ETV6: variants seen among roughly 807,000 people sequenced by gnomAD.
The protein encoded by ETV6 is ETS variant transcription factor 6, also known as transcription factor ETV6.
Under a neutral mutation model 51.1 loss-of-function variants are expected in ETV6, and 16 were observed. The observed-to-expected ratio is 0.31, with a 90% CI of 0.21 to 0.48. ETV6 has a LOEUF of 0.48. ETV6 is among the 20% of genes least tolerant of loss of function. The pLI is 0.99. For synonymous variants in ETV6, 240 were observed against 224.1 expected (o/e 1.07, Z -0.64); for missense variants, 458 against 594.8 (o/e 0.77, Z 2.39).
intron 1 of ETV6, among the ~76,000 whole-genome samples, chr12:11,726,605 T>C (rs987855326): frequency 2.0e-5 from 3 of 152,058 alleles, no homozygotes; most frequent in Non-Finnish European, 4.4e-5. Context: ...TAGTGAAACT[T>C]CATCCCTAGA....
At chr12:11,877,563 T>G (rs1326253671) in intron 5 of ETV6, among the ~76,000 whole-genome samples, 2 of 152,120 alleles carry the variant, frequency 1.3e-5, no homozygotes, top group Non-Finnish European at 2.9e-5. Context: ...TTCCAGTGTT[T>G]TAGTACCAGG....
chr12:11,730,413 T>A (rs1349109846), intron 1 of ETV6, among the ~76,000 whole-genome samples: 2 of 152,252 alleles, frequency 1.3e-5, no homozygotes, highest in Admixed American at 1.3e-4. Flanking sequence ...GCTCTGGGGT[T>A]GCCAAGCTCA....
At chr12:11,683,311 T>C (rs1864568078) in intron 1 of ETV6, among the ~76,000 whole-genome samples, 1 of 152,236 alleles carries the variant, frequency 6.6e-6, no homozygotes, top group African/African-American at 2.4e-5. Flanking sequence ...TTCAAAGTGC[T>C]GGGATTACAG....
intron 3 of ETV6, among the ~76,000 whole-genome samples, chr12:11,843,980 C>T (rs2136472563): frequency 6.6e-6 from 1 of 151,892 alleles, no homozygotes; most frequent in African/African-American, 2.4e-5. Context: ...TATAAAACGT[C>T]ACCTGGACAG....
chr12:11,776,187 G>C (rs781732079), intron 2 of ETV6, among the ~76,000 whole-genome samples: 1 of 152,162 alleles, frequency 6.6e-6, no homozygotes, highest in East Asian at 1.9e-4. Context: ...TACACTGAAC[G>C]TGAATCCTCA....
chr12:11,770,486 C>T (rs1027362940), intron 2 of ETV6, among the ~76,000 whole-genome samples: 4 of 152,282 alleles, frequency 2.6e-5, no homozygotes, highest in Middle Eastern at 3.4e-3. Context: ...ATAAGTATGG[C>T]GGTTGCAGCC....
intron 3 of ETV6, among the ~76,000 whole-genome samples, chr12:11,842,081 CAAA>C (rs35056557): frequency 7.2e-5 from 6 of 83,542 alleles, no homozygotes; most frequent in African/African-American, 1.8e-4. Flanking sequence ...GACTCCGTCT[CAAA>C]AAAAAAAAAA....
chr12:11,812,541 T>G (rs1225874784), intron 2 of ETV6, among the ~76,000 whole-genome samples: 8 of 152,174 alleles, frequency 5.3e-5, no homozygotes, highest in Non-Finnish European at 1.2e-4. Context: ...TGGGGGTGGT[T>G]GAGTACCTTG....
chr12:11,804,225 A>G (rs1307951145), intron 2 of ETV6, among the ~76,000 whole-genome samples: 3 of 152,314 alleles, frequency 2.0e-5, no homozygotes, highest in South Asian at 4.1e-4. Context: ...CTACCAAGGA[A>G]TTCACACTAG....
At chr12:11,780,420 G>A (rs145953866) in intron 2 of ETV6, among the ~76,000 whole-genome samples, 1 of 152,028 alleles carries the variant, frequency 6.6e-6, no homozygotes, top group African/African-American at 2.4e-5. Flanking sequence ...GTTCTTCCTT[G>A]CAAATAACAA....
chr12:11,826,843 G>A (rs1192850107), intron 2 of ETV6, among the ~76,000 whole-genome samples: 10 of 152,076 alleles, frequency 6.6e-5, no homozygotes, highest in Non-Finnish European at 5.9e-5. Context: ...AAGGGGAGAC[G>A]GGGTTCGCTT....
intron 2 of ETV6, among the ~76,000 whole-genome samples, chr12:11,790,154 C>T (rs781362304): frequency 6.3e-5 from 9 of 143,136 alleles, no homozygotes; most frequent in East Asian, 4.0e-4. Context: ...TTTTTTTGTT[C>T]GACTTGTTCT....
chr12:11,654,148 C>G (rs960775383), intron 1 of ETV6, among the ~76,000 whole-genome samples: 5 of 152,124 alleles, frequency 3.3e-5, no homozygotes, highest in Non-Finnish European at 7.4e-5. Context: ...TTCTCAAAAA[C>G]TGCTTTTGTG....
intron 1 of ETV6, among the ~76,000 whole-genome samples, chr12:11,746,475 C>G (rs1865910764): frequency 6.6e-6 from 1 of 152,202 alleles, no homozygotes; most frequent in Admixed American, 6.5e-5. Flanking sequence ...AATGCTAGCT[C>G]TCTTTCCTGA....
intron 1 of ETV6, among the ~76,000 whole-genome samples, chr12:11,690,431 C>G (rs974123958): frequency 6.6e-6 from 1 of 151,942 alleles, no homozygotes; most frequent in Non-Finnish European, 1.5e-5. Context: ...AACACATTAT[C>G]TTCATATTTT....
chr12:11,724,066 C>T (rs889945512), intron 1 of ETV6, among the ~76,000 whole-genome samples: 1 of 152,090 alleles, frequency 6.6e-6, no homozygotes, highest in Non-Finnish European at 1.5e-5. Flanking sequence ...GTCAGCTCTC[C>T]TAACTCTTGG....
intron 1 of ETV6, among the ~76,000 whole-genome samples, chr12:11,661,698 G>A (rs527338765): frequency 9.8e-5 from 15 of 152,332 alleles, no homozygotes; most frequent in Admixed American, 3.3e-4. Flanking sequence ...TGATACTTTC[G>A]GGTGAGGTGG....
chr12:11,865,824 G>T (rs1946783806), intron 4 of ETV6, among the ~76,000 whole-genome samples: 1 of 151,306 alleles, frequency 6.6e-6, no homozygotes, highest in Non-Finnish European at 1.5e-5. Context: ...TTGGTTTTCA[G>T]CAGTTTGACT....
At chr12:11,744,917 AAAAAG>A (rs1865879102) in intron 1 of ETV6, among the ~76,000 whole-genome samples, 1 of 139,672 alleles carries the variant, frequency 7.2e-6, no homozygotes, top group Non-Finnish European at 1.6e-5. Context: ...AGGAAAAAAA[AAAAAG>A]AGAGAATTTC....
Sources: gnomAD v4.1 joint callset for allele counts (sites outside exome capture counted in the v4.1 genomes callset) on GRCh38, gnomAD v4.1.1 for gene constraint, MANE v1.5 for transcripts, NCBI Gene and HGNC (gene_info 2026-07-23, HGNC 2026-07-21) for gene names.